Variants in ZBTB20 observed in about 807,000 individuals in gnomAD.
ZBTB20 encodes the protein zinc finger and BTB domain-containing protein 20.
ZBTB20 carries 9 observed loss-of-function variants against 56.9 expected under a neutral mutation model. The ratio of observed to expected loss-of-function variants is 0.16; its 90% CI spans 0.10 to 0.28. ZBTB20 has a LOEUF of 0.28. Ranked by LOEUF, ZBTB20 falls within the 10% of genes least tolerant of loss-of-function variation. The pLI is 1.00. For synonymous variants in ZBTB20, 417 were observed against 420.7 expected (o/e 0.99, Z 0.11); for missense variants, 655 against 1,003.0 (o/e 0.65, Z 4.69).
chr3:115,042,196 A>G (rs2081171194), intron 2 of ZBTB20, among the ~76,000 whole-genome samples: 1 of 152,230 alleles, frequency 6.6e-6, no homozygotes, highest in African/African-American at 2.4e-5. Flanking sequence ...CTGAAAAAAG[A>G]GGAGCTGATA....
chr3:114,389,484 TTATTA>T (rs1013767223), intron 7 of ZBTB20, among the ~76,000 whole-genome samples: 5 of 152,186 alleles, frequency 3.3e-5, no homozygotes, highest in African/African-American at 7.2e-5. Context: ...TTTTTTTCAT[TTATTA>T]TATTTATTTA....
At chr3:114,918,679 G>A (rs937821076) in intron 3 of ZBTB20, among the ~76,000 whole-genome samples, 6 of 152,294 alleles carry the variant, frequency 3.9e-5, no homozygotes, top group Non-Finnish European at 7.3e-5. Context: ...AGTGCCTAAA[G>A]TGGGTGCTTC....
intron 6 of ZBTB20, among the ~76,000 whole-genome samples, chr3:114,659,451 A>G (rs545213471): frequency 3.9e-5 from 6 of 152,298 alleles, no homozygotes; most frequent in Non-Finnish European, 8.8e-5. Flanking sequence ...AGCTGCATCA[A>G]AGGCTGTGTT....
chr3:114,482,114 C>A (rs1166088050), intron 7 of ZBTB20, among the ~76,000 whole-genome samples: 2 of 152,094 alleles, frequency 1.3e-5, no homozygotes, highest in Non-Finnish European at 1.5e-5. Context: ...CTTAAGATAA[C>A]CTCACAGGGT....
intron 4 of ZBTB20, among the ~76,000 whole-genome samples, chr3:114,863,772 G>A (rs2075640712): frequency 2.0e-5 from 3 of 152,150 alleles, no homozygotes; most frequent in Non-Finnish European, 2.9e-5. Flanking sequence ...GACACAAAAT[G>A]CAGCTTTTAC....
intron 1 of ZBTB20, among the ~76,000 whole-genome samples, chr3:115,141,854 A>T (rs2084819906): frequency 6.6e-6 from 1 of 152,206 alleles, no homozygotes; most frequent in Admixed American, 6.5e-5. Flanking sequence ...ATGAATATTA[A>T]TAAACTTAGT....
intron 10 of ZBTB20, among the ~76,000 whole-genome samples, chr3:114,366,465 C>G (rs954874617): frequency 6.6e-6 from 1 of 152,090 alleles, no homozygotes; most frequent in Admixed American, 6.6e-5. Context: ...AAATATTGTA[C>G]CATCTAATTT....
intron 4 of ZBTB20, among the ~76,000 whole-genome samples, chr3:114,814,285 T>A (rs2072769330): frequency 6.7e-6 from 1 of 149,594 alleles, no homozygotes; most frequent in African/African-American, 2.4e-5. Flanking sequence ...TATAAATATA[T>A]TTATACATAA....
At position 115,049,496 on chromosome 3, in the gene ZBTB20, A is replaced by G. The variant is rs77258539; in HGVS notation, c.-507+21723T>C. Reference sequence around the variant, plus strand: ...AATAGAACCCAAGTCTAAACACAAAATTTATGTTTCACATATACCTTATAT... The same window carrying G: ...AATAGAACCCAAGTCTAAACACAAAGTTTATGTTTCACATATACCTTATAT... On this transcript the variant is annotated intron_variant, in intron 2 of 11. Coordinates refer to ENST00000675478, the MANE Select transcript of ZBTB20 (RefSeq NM_001348800.3). Among the ~76,000 whole-genome samples, 380 of 152,260 alleles carry G rather than the reference A, an allele frequency of 2.5e-3. 2 individuals are homozygous for G. The highest frequency in any genetic ancestry group is 8.3e-3 in the African/African-American group (347 of 41,566).
intron 6 of ZBTB20, among the ~76,000 whole-genome samples, chr3:114,559,177 G>A (rs1281175675): frequency 2.0e-5 from 3 of 152,150 alleles, no homozygotes; most frequent in Non-Finnish European, 4.4e-5. Context: ...TACTTGCTGA[G>A]TGAATGAATA....
intron 5 of ZBTB20, among the ~76,000 whole-genome samples, chr3:114,731,034 G>A (rs571623080): frequency 3.3e-5 from 5 of 152,270 alleles, no homozygotes; most frequent in Non-Finnish European, 7.4e-5. Flanking sequence ...TACAAAGTTA[G>A]TGTTTCATAT....
intron 6 of ZBTB20, among the ~76,000 whole-genome samples, chr3:114,573,061 A>G (rs1311124321): frequency 6.6e-6 from 1 of 152,242 alleles, no homozygotes; most frequent in African/African-American, 2.4e-5. Context: ...AAAACAAAGA[A>G]CAATCTAGAT....
At chr3:114,491,937 A>T (rs1467639387) in intron 7 of ZBTB20, among the ~76,000 whole-genome samples, 2 of 152,182 alleles carry the variant, frequency 1.3e-5, no homozygotes, top group Admixed American at 1.3e-4. Flanking sequence ...TAAGCTCAAA[A>T]TTAATATAAG....
intron 1 of ZBTB20, among the ~76,000 whole-genome samples, chr3:115,141,482 T>C (rs1225969410): frequency 3.3e-5 from 5 of 152,184 alleles, no homozygotes; most frequent in African/African-American, 1.2e-4. Context: ...CACTGTGAGT[T>C]TTTGATTATA....
At chr3:115,005,197 T>G (rs548521640) in intron 2 of ZBTB20, among the ~76,000 whole-genome samples, 13 of 151,966 alleles carry the variant, frequency 8.6e-5, no homozygotes, top group African/African-American at 3.1e-4. Flanking sequence ...TGGCTGAACC[T>G]CAATTAAATA....
chr3:114,597,178 A>T (rs1560013550), intron 6 of ZBTB20, among the ~76,000 whole-genome samples: 1 of 152,146 alleles, frequency 6.6e-6, no homozygotes, highest in Non-Finnish European at 1.5e-5. Flanking sequence ...GTGTCCTCTG[A>T]CATTTTCTTC....
In ZBTB20 at chr3:114,793,215, G is replaced by A. The variant is rs192147357; in HGVS notation, c.-343+7886C>T. On this transcript the variant is annotated intron_variant, in intron 5 of 11. Coordinates refer to ENST00000675478, the MANE Select transcript of ZBTB20 (RefSeq NM_001348800.3). The stretch of plus-strand genomic sequence containing the variant: ...GCATTTTGATAGCAGCAATAAGGCT[G>A]AGTACCTTCATAGGCCTTTACCTCT... Among the ~76,000 whole-genome samples, 262 of 152,118 alleles carry A rather than the reference G, an allele frequency of 1.7e-3. 1 individual carries two copies. Among genetic ancestry groups the A allele is most frequent in the South Asian group, 6.9e-3 (33 of 4,810 alleles).
chr3:114,718,370 T>G (rs940259878), intron 5 of ZBTB20, among the ~76,000 whole-genome samples: 1 of 152,120 alleles, frequency 6.6e-6, no homozygotes, highest in African/African-American at 2.4e-5. Context: ...GAATACAAGA[T>G]ATATTCTAAG....
At chr3:114,986,859 T>G (rs2078567951) in intron 2 of ZBTB20, among the ~76,000 whole-genome samples, 2 of 152,180 alleles carry the variant, frequency 1.3e-5, no homozygotes, top group African/African-American at 4.8e-5. Context: ...GTTATCATTT[T>G]CTATTCTCCA....
Sources: gnomAD v4.1 joint callset for allele counts (sites outside exome capture counted in the v4.1 genomes callset) on GRCh38, gnomAD v4.1.1 for gene constraint, MANE v1.5 for transcripts, NCBI Gene and HGNC (gene_info 2026-07-23, HGNC 2026-07-21) for gene names.